The following FAM234A variants were observed in gnomAD, a reference collection of about 807,000 sequenced individuals.
FAM234A encodes family with sequence similarity 234 member A, also known as protein FAM234A.
In FAM234A, 42 loss-of-function variants were observed where a neutral mutation model predicts 49.1. The observed-to-expected ratio is 0.86, with a 90% confidence interval of 0.67 to 1.11. The LOEUF (loss-of-function observed/expected upper bound fraction) is 1.11. Ranked by LOEUF, FAM234A falls within the 50% of genes least tolerant of loss-of-function variation. The pLI is 0.00. For synonymous variants in FAM234A, 369 were observed against 316.2 expected (o/e 1.17, Z -1.77); for missense variants, 815 against 745.2 (o/e 1.09, Z -1.09).
At chr16:255,484 G>A (rs369134974) in intron 3 of FAM234A, among the ~76,000 whole-genome samples, 153 of 152,274 alleles carry the variant, frequency 1.0e-3, no homozygotes, top group African/African-American at 3.6e-3. Context: ...TGAGGTAGGA[G>A]TATCATTTAC....
chr16:269,504 G>C (rs757464684), downstream of FAM234A: 2 of 1,612,772 alleles, frequency 1.2e-6, no homozygotes, highest in Admixed American at 1.7e-5. Flanking sequence ...TGGGCTCACC[G>C]TCTCTTCATC....
intron 8 of FAM234A, 128 bp from the exon 9 acceptor site, chr16:263,134 G>T: frequency 8.5e-7 from 1 of 1,179,082 alleles, no homozygotes; most frequent in South Asian, 1.4e-5. Context: ...TTTTCAAGCT[G>T]TAGAACTGAG....
intron 1 of FAM234A, among the ~76,000 whole-genome samples, chr16:235,811 G>A (rs535265395): frequency 3.4e-4 from 52 of 152,308 alleles, no homozygotes; most frequent in Admixed American, 1.3e-3. Flanking sequence ...TCCTCAAGGA[G>A]CTTCTATTCT....
downstream of FAM234A, chr16:268,823 G>A (rs114887633): frequency 3.0e-5 from 47 of 1,550,274 alleles, no homozygotes; most frequent in East Asian, 8.6e-4. Flanking sequence ...GGCAGAGCTC[G>A]CGCCGAGACC....
chr16:241,355 G>A (rs932395690), intron 1 of FAM234A, among the ~76,000 whole-genome samples: 3 of 152,138 alleles, frequency 2.0e-5, no homozygotes, highest in African/African-American at 7.2e-5. Flanking sequence ...GCAGAGGTGG[G>A]AGGATCACAT....
At chr16:258,057 T>C (rs1326463249) in intron 3 of FAM234A, among the ~76,000 whole-genome samples, 1 of 151,894 alleles carries the variant, frequency 6.6e-6, no homozygotes, top group Non-Finnish European at 1.5e-5. Context: ...GGTTTCACCG[T>C]ATTAGCCAGG....
At chr16:238,780 A>AAAAAAAG (rs1567205610) in intron 1 of FAM234A, among the ~76,000 whole-genome samples, 1 of 141,072 alleles carries the variant, frequency 7.1e-6, no homozygotes, top group Non-Finnish European at 1.5e-5. Context: ...AAAAAAAAAA[A>AAAAAAAG]AAAAAAGAAA....
intron 1 of FAM234A, among the ~76,000 whole-genome samples, chr16:243,088 C>T (rs1157929540): frequency 6.6e-6 from 1 of 151,842 alleles, no homozygotes; most frequent in East Asian, 1.9e-4. Context: ...TCAAGCTAAC[C>T]TCCCACCTCA....
rs144208371 is a variant in FAM234A at position 264,663 on chromosome 16, C to T, written c.1394C>T (p.Pro465Leu). 3.7e-4 allele frequency: 596 copies of T among 1,612,032 alleles called. 1 individual carries two copies. The highest frequency in any genetic ancestry group is 4.2e-4 in the Non-Finnish European group (498 of 1,179,910). ...HSLYMFHPTLPRVLLELANVS... is the reference protein window; with the variant it reads ...HSLYMFHPTLLRVLLELANVS... ...CTGTACATGTTCCACCCCACCCTGC[C>T]GCGCGTGCTGCTGGAGCTGGCCAAT... The change falls in exon 12 of 13, where the codon CCG becomes CTG. Residue 465 changes from proline to leucine, a missense_variant. By Grantham distance (98) the Pro-to-Leu change is moderately conservative. Coordinates refer to ENST00000399932, the MANE Select transcript of FAM234A (RefSeq NM_032039.4).
chr16:262,060 CCT>C, intron 6 of FAM234A, 31 bp from the exon 7 acceptor site: 1 of 1,605,504 alleles, frequency 6.2e-7, no homozygotes, highest in Non-Finnish European at 8.5e-7. Flanking sequence ...GGCTCAGGTC[CCT>C]CTCTTCCTGT....
At chr16:269,786 T>C (rs933694325), downstream of FAM234A, 17 of 549,430 alleles carry the variant, frequency 3.1e-5, no homozygotes, top group East Asian at 5.1e-4. Flanking sequence ...GCCTGGGCCA[T>C]GTCGCAGCAA....
At position 249,565 on chromosome 16, in the gene FAM234A, G is replaced by C. The variant is rs990855153; in HGVS notation, c.-123G>C. 6.6e-6 allele frequency: 1 copy of C among 152,056 alleles called. No homozygotes were observed. Among genetic ancestry groups the C allele is most frequent in the Non-Finnish European group, 1.5e-5 (1 of 68,074 alleles). The allele number at this position is 152,056 out of a possible 1,614,324, so 9.4% of individuals were successfully genotyped here. On this transcript the variant is annotated 5_prime_UTR_variant, in exon 2 of 13. Transcript: ENST00000399932. ...GATCCCTAGGTCCACCTGGGCTTGC[G>C]AAGGCACAGATTCCCCGTCCACAGC...
chr16:266,996 C>T (rs1431437260), downstream of FAM234A, among the ~76,000 whole-genome samples: 1 of 152,086 alleles, frequency 6.6e-6, no homozygotes, highest in African/African-American at 2.4e-5. Flanking sequence ...GAGCCCCACC[C>T]TGAGAAGCCG....
intron 8 of FAM234A, 67 bp from the exon 9 acceptor site, chr16:263,195 A>G (rs1009497170): frequency 6.3e-7 from 1 of 1,575,116 alleles, no homozygotes; most frequent in African/African-American, 1.3e-5. Context: ...GCGGTGCCAG[A>G]GCCTCCACTG....
At chr16:238,616 A>G (rs959382734) in intron 1 of FAM234A, among the ~76,000 whole-genome samples, 11 of 151,000 alleles carry the variant, frequency 7.3e-5, no homozygotes, top group Admixed American at 2.0e-4. Context: ...AATACAAAAA[A>G]TTAGCCAGGC....
At position 264,008 on chromosome 16, in the gene FAM234A, C is replaced by G. The variant is rs759287594; in HGVS notation, c.1189-8C>G. On this transcript the variant is annotated splice_region_variant and splice_polypyrimidine_tract_variant and intron_variant, in intron 10 of 12. Coordinates refer to ENST00000399932, the MANE Select transcript of FAM234A (RefSeq NM_032039.4). ...CGTTGGCCCCCACAGTGTCCCCTCC[C>G]TCCCCAGATCCTGTTTCTGGACCTT... 2 of 1,608,120 alleles carry G rather than the reference C, an allele frequency of 1.2e-6. No individual in the cohort carries two copies. Among genetic ancestry groups the G allele is most frequent in the African/African-American group, 1.3e-5 (1 of 74,950 alleles).
chr16:244,135 A>AT (rs1406551231), intron 1 of FAM234A, among the ~76,000 whole-genome samples: 1 of 151,706 alleles, frequency 6.6e-6, no homozygotes, highest in Non-Finnish European at 1.5e-5. Context: ...CGCCCGGCTA[A>AT]TTTTTTCTAT....
intron 8 of FAM234A, among the ~76,000 whole-genome samples, 186 bp from the exon 9 acceptor site, chr16:263,076 C>T (rs947252588): frequency 3.9e-5 from 6 of 152,162 alleles, no homozygotes; most frequent in African/African-American, 1.4e-4. Flanking sequence ...CCTCGGCCTC[C>T]CAAAGTGCTG....
rs1335440651 is a variant in FAM234A at position 258,947 on chromosome 16, TA to T, written c.269-534del. Among the ~76,000 whole-genome samples, 24 of 152,300 alleles carry T rather than the reference TA, an allele frequency of 1.6e-4. No homozygotes were observed. The East Asian group carries it at 4.6e-3, about 29-fold the overall frequency. ...ACAGGCACGTGCTACTACACCCAGC[TA>T]ATTTTTTGTATTTTTAGTAGAGACA... On this transcript the variant is annotated intron_variant, in intron 3 of 12. Coordinates refer to ENST00000399932, the MANE Select transcript of FAM234A (RefSeq NM_032039.4).
Sources: gnomAD v4.1 joint callset for allele counts (sites outside exome capture counted in the v4.1 genomes callset) on GRCh38, gnomAD v4.1.1 for gene constraint, MANE v1.5 for transcripts, NCBI Gene and HGNC (gene_info 2026-07-23, HGNC 2026-07-21) for gene names.